The following VDAC2 variants were observed in gnomAD, a reference collection of about 807,000 sequenced individuals.
VDAC2 encodes voltage dependent anion channel 2.
In VDAC2, 6 loss-of-function variants were observed where a neutral mutation model predicts 36.6. The observed-to-expected ratio is 0.16, with a 90% CI of 0.09 to 0.32. The LOEUF (loss-of-function observed/expected upper bound fraction) is 0.32. Among genes scored for constraint, VDAC2 ranks in the 10% least tolerant of loss-of-function variants. VDAC2 has a pLI of 1.00. For missense variants in VDAC2, 247 were observed against 346.0 expected (o/e 0.71, Z 2.27); for synonymous variants, 109 against 123.8 (o/e 0.88, Z 0.79).
At chr10:75,212,151 G>T in intron 2 of VDAC2, 79 bp from the exon 3 acceptor site, 1 of 1,241,228 alleles carries the variant, frequency 8.1e-7, no homozygotes, top group South Asian at 1.3e-5. Context: ...TTTAATATCA[G>T]CAGTGGGTCA....
At chr10:75,224,533 C>T (rs1841902445) in intron 8 of VDAC2, among the ~76,000 whole-genome samples, 1 of 152,040 alleles carries the variant, frequency 6.6e-6, no homozygotes, top group Non-Finnish European at 1.5e-5. Flanking sequence ...TGCTCAGGTA[C>T]TTAAAAATTA....
intron 2 of VDAC2, chr10:75,211,780 A>G: frequency 7.9e-7 from 1 of 1,272,414 alleles, no homozygotes; most frequent in Non-Finnish European, 1.1e-6. Context: ...TTCCCACTCC[A>G]GGGTGTTGGT....
At chr10:75,230,853 A>G (rs986214430) in intron 9 of VDAC2, 45 bp from the exon 10 acceptor site, 1 of 1,532,092 alleles carries the variant, frequency 6.5e-7, no homozygotes, top group Non-Finnish European at 9.0e-7. Context: ...GTGACGTGCC[A>G]GGTACATCAC....
chr10:75,228,795 C>G (rs1842029718), intron 8 of VDAC2, among the ~76,000 whole-genome samples: 1 of 152,218 alleles, frequency 6.6e-6, no homozygotes, highest in African/African-American at 2.4e-5. Flanking sequence ...GAAAGCAAAG[C>G]AAAGTTGCAT....
chr10:75,226,556 G>C (rs900293239), intron 8 of VDAC2, among the ~76,000 whole-genome samples: 1 of 150,154 alleles, frequency 6.7e-6, no homozygotes, highest in East Asian at 2.0e-4. Flanking sequence ...TCCGCCTCTC[G>C]GGTTCAAGCA....
intron 9 of VDAC2, 90 bp from the exon 10 acceptor site, chr10:75,230,808 C>T: frequency 9.0e-7 from 1 of 1,105,262 alleles, no homozygotes; most frequent in South Asian, 1.6e-5. Flanking sequence ...GACAGGCAGG[C>T]TCTGGGGATG....
At chr10:75,216,441 G>C (rs1032980641) in intron 4 of VDAC2, among the ~76,000 whole-genome samples, 3 of 152,220 alleles carry the variant, frequency 2.0e-5, no homozygotes, top group Non-Finnish European at 2.9e-5. Flanking sequence ...AGCTGGATTA[G>C]ATATAGCATG....
At position 75,218,918 on chromosome 10, in the gene VDAC2, A is replaced by G. The variant is rs553144226; in HGVS notation, c.151-145A>G. 1.6e-5 allele frequency: 13 copies of G among 791,410 alleles called. No individual in the cohort carries two copies. In the East Asian group the frequency reaches 2.4e-4, roughly 15 times the overall value. The allele number at this position is 791,410 out of a possible 1,614,324, so 49.0% of individuals were successfully genotyped here. A position where few individuals can be genotyped will look rare whatever the true frequency, so the allele number is the denominator to read the frequency against. ...ATGCTTAGAGAGTAGCACAGTGCAG[A>G]AGGATACGAGTGTTTAGGAAGCTAG... On this transcript the variant is annotated intron_variant, in intron 4 of 9. Coordinates refer to ENST00000332211, the MANE Select transcript of VDAC2 (RefSeq NM_001391963.1).
At chr10:75,213,048 T>A (rs115850301) in intron 3 of VDAC2, among the ~76,000 whole-genome samples, 1,704 of 152,234 alleles carry the variant, frequency 0.011, 36 homozygotes, top group African/African-American at 0.038. Flanking sequence ...GGCATAAATG[T>A]CCTAAATGTC....
chr10:75,230,657 A>C (rs1424839184), intron 9 of VDAC2, among the ~76,000 whole-genome samples: 1 of 152,210 alleles, frequency 6.6e-6, no homozygotes, highest in East Asian at 1.9e-4. Context: ...ATTCTAGAAC[A>C]CTTTGAAGTT....
chr10:75,230,512 G>A (rs1266929287), intron 9 of VDAC2, among the ~76,000 whole-genome samples: 4 of 152,144 alleles, frequency 2.6e-5, no homozygotes, highest in Non-Finnish European at 4.4e-5. Flanking sequence ...TAACATTAAT[G>A]TAATACCAAA....
intron 2 of VDAC2, chr10:75,211,419 C>A: frequency 6.8e-7 from 1 of 1,461,482 alleles, no homozygotes; most frequent in South Asian, 1.4e-5. Context: ...ACTTTTCAGC[C>A]TTTGTACATG....
intron 9 of VDAC2, 31 bp downstream of exon 9, chr10:75,229,732 T>G: frequency 6.5e-7 from 1 of 1,541,740 alleles, no homozygotes; most frequent in East Asian, 2.3e-5. Context: ...AGGATTGTTT[T>G]GATAGTATTA....
chr10:75,214,092 G>A (rs755188531), intron 4 of VDAC2, 22 bp downstream of exon 4: 2 of 1,610,038 alleles, frequency 1.2e-6, no homozygotes, highest in African/African-American at 1.3e-5. Flanking sequence ...TGTTGAATAA[G>A]TTCTATTGAA....
At chr10:75,224,628 A>G (rs1841904463) in intron 8 of VDAC2, among the ~76,000 whole-genome samples, 1 of 152,180 alleles carries the variant, frequency 6.6e-6, no homozygotes, top group African/African-American at 2.4e-5. Flanking sequence ...GAAACAAACA[A>G]AATATACAAT....
chr10:75,224,288 CAT>C (rs1032200085), intron 8 of VDAC2, among the ~76,000 whole-genome samples: 2 of 152,264 alleles, frequency 1.3e-5, no homozygotes, highest in East Asian at 1.9e-4. Flanking sequence ...AGCCCTCACA[CAT>C]GTGGTCACAG....
intron 3 of VDAC2, among the ~76,000 whole-genome samples, chr10:75,213,567 A>AC (rs1327747167): frequency 6.6e-6 from 1 of 150,964 alleles, no homozygotes. Context: ...ACACGGTGAA[A>AC]CCCCATCTCT....
At chr10:75,230,559 T>G (rs1177577408) in intron 9 of VDAC2, among the ~76,000 whole-genome samples, 1 of 152,180 alleles carries the variant, frequency 6.6e-6, no homozygotes, top group Non-Finnish European at 1.5e-5. Context: ...CAAATGTGTC[T>G]TTATTGTAGG....
intron 4 of VDAC2, among the ~76,000 whole-genome samples, chr10:75,216,335 GA>G (rs1223721379): frequency 6.6e-6 from 1 of 152,178 alleles, no homozygotes; most frequent in Admixed American, 6.5e-5. Context: ...TAGATCGTTG[GA>G]TAATCAAATC....
Sources: allele counts gnomAD v4.1 joint callset (sites outside exome capture counted in the v4.1 genomes callset), GRCh38; gene constraint gnomAD v4.1.1; transcripts MANE v1.5; gene names NCBI Gene and HGNC (gene_info 2026-07-23, HGNC 2026-07-21).